The following DLG2 variants were observed in gnomAD, a reference collection of about 807,000 sequenced individuals.
DLG2 encodes discs large MAGUK scaffold protein 2.
In DLG2, 45 loss-of-function variants were observed where a neutral mutation model predicts 132.5. The observed-to-expected ratio is 0.34, with a 90% CI of 0.27 to 0.44. The LOEUF is 0.44. Ranked by LOEUF, DLG2 falls within the 20% of genes least tolerant of loss-of-function variation. The pLI is 1.00. For missense variants in DLG2, 1,045 were observed against 1,196.9 expected (o/e 0.87, Z 1.87); for synonymous variants, 424 against 419.6 (o/e 1.01, Z -0.13).
chr11:83,928,082 G>A (rs2079328003), intron 15 of DLG2, among the ~76,000 whole-genome samples: 1 of 151,926 alleles, frequency 6.6e-6, no homozygotes, highest in African/African-American at 2.4e-5. Flanking sequence ...GTGTTTTTGT[G>A]TGTCTATGAC....
intron 9 of DLG2, among the ~76,000 whole-genome samples, chr11:84,108,208 G>A (rs1223403785): frequency 6.6e-6 from 1 of 152,098 alleles, no homozygotes; most frequent in East Asian, 1.9e-4. Context: ...GCAACAGGCT[G>A]TGGATATTGG....
rs146400343 is a variant in DLG2, at chr11:85,577,990, A to G, written c.40+20667T>C. ...GCATCATGCTACCTGACTTCAAACT[A>G]TACTACAGGCCTAGAGTAACCAAAA... On this transcript the variant is annotated intron_variant, in intron 3 of 27. Coordinates refer to ENST00000376104, the MANE Select transcript of DLG2 (RefSeq NM_001142699.3). Among the ~76,000 whole-genome samples the G allele has an allele frequency of 5.0e-3, 760 of 152,312 alleles. 6 individuals are homozygous for G. The highest frequency in any genetic ancestry group is 0.017 in the African/African-American group (719 of 41,568).
intron 3 of DLG2, among the ~76,000 whole-genome samples, chr11:85,317,298 T>C (rs2080751925): frequency 6.6e-6 from 1 of 151,828 alleles, no homozygotes. Flanking sequence ...GGTTCAATAT[T>C]AATCCTTTAT....
At chr11:85,190,746 C>G (rs181752941) in intron 4 of DLG2, among the ~76,000 whole-genome samples, 2 of 152,114 alleles carry the variant, frequency 1.3e-5, no homozygotes, top group East Asian at 3.9e-4. Context: ...AATTAGAAAA[C>G]CTAAAAGAAA....
chr11:84,207,969 C>T (rs1415263300), intron 8 of DLG2, among the ~76,000 whole-genome samples: 1 of 152,054 alleles, frequency 6.6e-6, no homozygotes, highest in Non-Finnish European at 1.5e-5. Context: ...GGAAAAAAGG[C>T]TCACCTGAGT....
chr11:85,365,170 C>T (rs908488105), intron 3 of DLG2, among the ~76,000 whole-genome samples: 3 of 152,114 alleles, frequency 2.0e-5, no homozygotes, highest in Admixed American at 2.0e-4. Context: ...GGACGGCATC[C>T]CACCTTGCTG....
At chr11:83,586,421 C>T (rs1449199712) in intron 19 of DLG2, among the ~76,000 whole-genome samples, 1 of 152,208 alleles carries the variant, frequency 6.6e-6, no homozygotes, top group Non-Finnish European at 1.5e-5. Context: ...AATTATTTTG[C>T]TTCTCTGTGC....
intron 21 of DLG2, among the ~76,000 whole-genome samples, chr11:83,527,592 T>G (rs2095639385): frequency 6.6e-6 from 1 of 152,138 alleles, no homozygotes; most frequent in Non-Finnish European, 1.5e-5. Context: ...GTCTGGGTTT[T>G]TATAATGGCT....
intron 7 of DLG2, among the ~76,000 whole-genome samples, chr11:84,365,424 A>G (rs2098676145): frequency 6.6e-6 from 1 of 151,498 alleles, no homozygotes. Context: ...TAGTCTTGCT[A>G]GCGGTCTATC....
intron 9 of DLG2, among the ~76,000 whole-genome samples, chr11:84,144,425 G>T (rs934282972): frequency 2.6e-5 from 4 of 152,084 alleles, no homozygotes; most frequent in Admixed American, 2.0e-4. Flanking sequence ...CTGCCTCAAA[G>T]TTCTAAGTAA....
chr11:84,157,735 T>C (rs1337520564), intron 9 of DLG2, among the ~76,000 whole-genome samples: 2 of 152,238 alleles, frequency 1.3e-5, no homozygotes, highest in Non-Finnish European at 2.9e-5. Flanking sequence ...TTTACTTCTG[T>C]GTCCTCCACA....
At chr11:83,988,861 G>T in intron 11 of DLG2, among the ~76,000 whole-genome samples, 1 of 151,750 alleles carries the variant, frequency 6.6e-6, no homozygotes, top group African/African-American at 2.4e-5. Flanking sequence ...TTTTCTCTTA[G>T]CACTTATTAC....
At chr11:84,234,337 T>C (rs188304074) in intron 8 of DLG2, among the ~76,000 whole-genome samples, 2 of 152,324 alleles carry the variant, frequency 1.3e-5, no homozygotes. Flanking sequence ...AAAACTTGCC[T>C]TGGTCCCTCC....
chr11:84,102,430 A>G (rs562340388), intron 9 of DLG2, among the ~76,000 whole-genome samples: 1 of 152,310 alleles, frequency 6.6e-6, no homozygotes, highest in East Asian at 1.9e-4. Flanking sequence ...GCCACAATAG[A>G]AATCCACAAT....
At chr11:85,239,817 T>C (rs1034219697) in intron 4 of DLG2, among the ~76,000 whole-genome samples, 3 of 152,034 alleles carry the variant, frequency 2.0e-5, no homozygotes, top group South Asian at 2.1e-4. Flanking sequence ...GACATTTAGA[T>C]TATTTCCAGG....
intron 8 of DLG2, among the ~76,000 whole-genome samples, chr11:84,214,153 T>G (rs1452429716): frequency 7.0e-6 from 1 of 142,836 alleles, no homozygotes; most frequent in East Asian, 1.9e-4. Context: ...AATACTAACC[T>G]GAAAGTTCAG....
chr11:83,662,326 T>C (rs1401914584), intron 18 of DLG2, among the ~76,000 whole-genome samples: 1 of 152,174 alleles, frequency 6.6e-6, no homozygotes, highest in East Asian at 1.9e-4. Flanking sequence ...AATGGCTCTA[T>C]CTGCAAAAAG....
At chr11:85,013,966 T>G (rs773413141) in intron 6 of DLG2, among the ~76,000 whole-genome samples, 1 of 152,196 alleles carries the variant, frequency 6.6e-6, no homozygotes, top group African/African-American at 2.4e-5. Flanking sequence ...TAAGTTTCTT[T>G]ATTTGTATGT....
At chr11:85,286,978 AG>A (rs1240020838) in intron 3 of DLG2, among the ~76,000 whole-genome samples, 1 of 152,114 alleles carries the variant, frequency 6.6e-6, no homozygotes, top group Non-Finnish European at 1.5e-5. Flanking sequence ...AGATGGCCAA[AG>A]CTGGAGCAAT....
Sources: allele counts gnomAD v4.1 joint callset (sites outside exome capture counted in the v4.1 genomes callset), GRCh38; gene constraint gnomAD v4.1.1; transcripts MANE v1.5; gene names NCBI Gene and HGNC (gene_info 2026-07-23, HGNC 2026-07-21).